FOXD3: variants seen among roughly 807,000 people sequenced by gnomAD.
FOXD3 encodes forkhead box D3.
Under a neutral mutation model 3.6 loss-of-function variants are expected in FOXD3, and 3 were observed. That is an observed-to-expected ratio of 0.84 (90% CI 0.38 to 2.18). The LOEUF is 2.18. FOXD3 is among the 30% of genes most tolerant of loss of function. The pLI, the probability that FOXD3 is intolerant of heterozygous loss-of-function variation, is 0.06. For missense variants in FOXD3, 686 were observed against 731.6 expected, an observed-to-expected ratio of 0.94 and a Z score of 0.72; for synonymous variants, 391 against 360.9, an observed-to-expected ratio of 1.08 and a Z score of -0.94.
Position 63,324,234 on chromosome 1 carries a change from G to A in FOXD3, c.1176G>A (p.Gly392=), listed in dbSNP as rs912274919. 12 of 1,443,390 alleles carry A rather than the reference G, an allele frequency of 8.3e-6. No individual in the cohort carries two copies. Among genetic ancestry groups the A allele is most frequent in the Non-Finnish European group, 1.1e-5 (12 of 1,109,608 alleles). 89.4% of individuals were successfully genotyped at this position (1,443,390 alleles called of 1,614,324 possible). ...TAGGTGGGGGCCCCGCGGCTCCTGG[G>A]GGCTCGGCGGTGGGCGCTGGGGTCG... ...NIIGGGPAAP[G]GSAVGAGVAG... is the part of the protein sequence containing the mutation. Residue 392 remains glycine (G), a synonymous_variant, in exon 1 of 1, where the codon GGG becomes GGA. Transcript: ENST00000371116. This position sits in a 1 kb window ranked among gnomAD's most constrained non-coding sequence, Gnocchi z 4.1.
Position 63,323,816 on chromosome 1 carries a change from T to A in FOXD3, c.758T>A (p.Met253Lys). The change falls in exon 1 of 1, where the codon ATG becomes AAG. Residue 253 changes from methionine (M) to lysine (K), a missense_variant. Met to Lys is a moderately conservative substitution (Grantham distance 95). Around this residue, in one of 3 missense-constraint regions of FOXD3, gnomAD observed 370 missense variants for 372.3 expected, o/e 0.99. Coordinates refer to ENST00000371116, the MANE Select transcript of FOXD3 (RefSeq NM_012183.3). The surrounding 1 kb of genome is among the most constrained non-coding windows in gnomAD (Gnocchi z 6.8). ...EHLREQTALM[M>K]QSFGAYSLAA... ...CTGCGCGAGCAGACGGCGCTCATGA[T>A]GCAGAGCTTCGGCGCTTACAGCCTG... is the stretch of plus-strand genomic sequence containing the variant. The A allele has an allele frequency of 6.4e-7, 1 of 1,574,366 alleles. No individual in the cohort carries two copies.
chr1:63,323,693 G>A lies in FOXD3; in HGVS notation c.635G>A (p.Gly212Asp). The part of the protein sequence containing the change: ...IPREPGNPGK[G>D]NYWTLDPQSE... ...CGCGAGCCGGGCAACCCGGGCAAGGGCAACTACTGGACCCTGGACCCGCAG... is the reference window on the plus strand; with the variant it reads ...CGCGAGCCGGGCAACCCGGGCAAGGACAACTACTGGACCCTGGACCCGCAG... The change falls in exon 1 of 1, where the codon GGC becomes GAC. Residue 212 changes from glycine to aspartate, a missense_variant. By Grantham distance (94) the Gly-to-Asp change is moderately conservative. Around this residue, in one of 3 missense-constraint regions of FOXD3, gnomAD observed 84 missense variants for 145.2 expected, o/e 0.58. Coordinates refer to ENST00000371116, the MANE Select transcript of FOXD3 (RefSeq NM_012183.3). The surrounding 1 kb of genome is among the most constrained non-coding windows in gnomAD (Gnocchi z 6.8). 6.2e-7 allele frequency: 1 copy of A among 1,614,094 alleles called. No homozygotes were observed.
Position 63,322,769 on chromosome 1 carries a change from G to A in FOXD3, c.-290G>A, listed in dbSNP as rs996802058. ...GTGAGGGGGCGCGGCGTGGAGAACC[G>A]CCGGGGCCGGGAGCGGTAGCGAGCG... On this transcript the variant is annotated 5_prime_UTR_variant, in exon 1 of 1. Transcript: ENST00000371116. 7 of 985,282 alleles carry A rather than the reference G, an allele frequency of 7.1e-6. No individual in the cohort carries two copies. In the African/African-American group the frequency reaches 1.2e-4, roughly 17 times the overall value. The allele number at this position is 985,282 out of a possible 1,614,324, so 61.0% of individuals were successfully genotyped here.
chr1:63,323,114 C>A lies in FOXD3; in HGVS notation c.56C>A (p.Thr19Lys). ...ASDMSGQTVL[T>K]AEDVDIDVVG... ...GACATGTCCGGCCAGACGGTGCTGA[C>A]GGCCGAGGACGTGGACATCGATGTG... The change falls in exon 1 of 1, where the codon ACG becomes AAG. Residue 19 changes from threonine (T) to lysine (K), a missense_variant. Around this residue, in one of 3 missense-constraint regions of FOXD3, gnomAD observed 232 missense variants for 214.0 expected, o/e 1.08. Transcript: ENST00000371116. The surrounding 1 kb of genome is among the most constrained non-coding windows in gnomAD (Gnocchi z 6.8). 2 of 1,567,200 alleles carry A rather than the reference C, an allele frequency of 1.3e-6. No homozygotes were observed. The highest frequency in any genetic ancestry group is 1.7e-6 in the Non-Finnish European group (2 of 1,158,480).
rs746433133 is a variant in FOXD3, at chr1:63,324,189, G to A, written c.1131G>A (p.Ser377=). 5.1e-5 allele frequency: 73 copies of A among 1,437,958 alleles called. No individual in the cohort carries two copies. Among genetic ancestry groups the A allele is most frequent in the South Asian group, 1.9e-4 (13 of 69,756 alleles). 89.1% of individuals were successfully genotyped at this position (1,437,958 alleles called of 1,614,324 possible). Residue 377 remains serine (S), a synonymous_variant, in exon 1 of 1, where the codon TCG becomes TCA. Coordinates refer to ENST00000371116, the MANE Select transcript of FOXD3 (RefSeq NM_012183.3). This position sits in a 1 kb window ranked among gnomAD's most constrained non-coding sequence, Gnocchi z 4.1. ...LIKSEPSARP[S]FSIENIIGGG... Reference sequence around the variant, plus strand: ...AGTCCGAGCCAAGCGCGCGGCCGTCGTTCAGCATCGAGAACATCATAGGTG... The same window carrying A: ...AGTCCGAGCCAAGCGCGCGGCCGTCATTCAGCATCGAGAACATCATAGGTG...
chr1:63,324,527 G>A lies in FOXD3; in HGVS notation c.*32G>A. 6.6e-7 allele frequency: 1 copy of A among 1,505,090 alleles called. No homozygotes were observed. Among genetic ancestry groups the A allele is most frequent in the South Asian group, 1.2e-5 (1 of 81,980 alleles). The allele number at this position is 1,505,090 out of a possible 1,614,324, so 93.2% of individuals were successfully genotyped here. On this transcript the variant is annotated 3_prime_UTR_variant, in exon 1 of 1. Coordinates refer to ENST00000371116, the MANE Select transcript of FOXD3 (RefSeq NM_012183.3). The surrounding 1 kb of genome is among the most constrained non-coding windows in gnomAD (Gnocchi z 4.1). The stretch of plus-strand genomic sequence containing the variant: ...GCCAATGGCCGGGACCCAGGGTCCG[G>A]CGGCGGCCTCGAGCAACAAATGCAC...
rs553162085 is a variant in FOXD3 at position 63,324,059 on chromosome 1, G to T, written c.1001G>T (p.Gly334Val). 2.9e-6 allele frequency: 4 copies of T among 1,400,652 alleles called. No homozygotes were observed. The South Asian group carries it at 6.3e-5, about 22-fold the overall frequency. 86.8% of individuals were successfully genotyped at this position (1,400,652 alleles called of 1,614,324 possible). A position where few individuals can be genotyped will look rare whatever the true frequency, so the allele number is the denominator to read the frequency against. The change falls in exon 1 of 1, where the codon GGC (glycine) becomes GTC (valine). Residue 334 changes from glycine to valine, a missense_variant. Gly to Val is a moderately radical substitution (Grantham distance 109). Transcript: ENST00000371116. This position sits in a 1 kb window ranked among gnomAD's most constrained non-coding sequence, Gnocchi z 4.1. ...GELGRKAAAFGSQLGPGLQLQ... is the reference protein window; with the variant it reads ...GELGRKAAAFVSQLGPGLQLQ... ...CTGGGCCGCAAAGCGGCCGCCTTCG[G>T]CTCACAGCTCGGCCCGGGCCTGCAG...
chr1:63,322,592 G>A lies in FOXD3; in HGVS notation c.-467G>A, dbSNP rs1647031292. ...CCTTAAAACGGGACTTTCGACTACC[G>A]GGGCTTCGGCGTCCCTGACACCCAG... is the stretch of plus-strand genomic sequence containing the variant. On this transcript the variant is annotated 5_prime_UTR_variant, in exon 1 of 1. Transcript: ENST00000371116. 11 of 978,658 alleles carry A rather than the reference G, an allele frequency of 1.1e-5. No homozygotes were observed. Among genetic ancestry groups the A allele is most frequent in the Middle Eastern group, 5.2e-4 (1 of 1,914 alleles). The allele number at this position is 978,658 out of a possible 1,614,324, so 60.6% of individuals were successfully genotyped here. A position where few individuals can be genotyped will look rare whatever the true frequency, so the allele number is the denominator to read the frequency against.
chr1:63,323,101 C>T lies in FOXD3; in HGVS notation c.43C>T (p.Gln15Ter). 1 of 1,564,652 alleles carries T rather than the reference C, an allele frequency of 6.4e-7. No homozygotes were observed. The highest frequency in any genetic ancestry group is 8.6e-7 in the Non-Finnish European group (1 of 1,157,426). ...GGGSASDMSG[Q>*]TVLTAEDVDI... ...CGGCAGCGCCAGCGACATGTCCGGC[C>T]AGACGGTGCTGACGGCCGAGGACGT... The change falls in exon 1 of 1, where the codon CAG becomes TAG. Residue 15 changes from glutamine (Q) to a stop codon, truncating the protein, a stop_gained. Transcript: ENST00000371116. LOFTEE classifies it low-confidence loss of function (END_TRUNC). This position sits in a 1 kb window ranked among gnomAD's most constrained non-coding sequence, Gnocchi z 6.8.
rs751451513 is a variant in FOXD3 at position 63,323,550 on chromosome 1, G to A, written c.492G>A (p.Leu164=). 120 of 1,614,048 alleles carry A rather than the reference G, an allele frequency of 7.4e-5. No individual in the cohort carries two copies. The Admixed American group carries it at 1.9e-3, about 26-fold the overall frequency. ...ILQSPQKKLT[L]SGICEFISNR... The stretch of plus-strand genomic sequence containing the variant: ...AGAGCCCGCAGAAGAAGCTGACCCT[G>A]AGCGGCATCTGCGAGTTCATCAGCA... The change falls in exon 1 of 1, where the codon CTG becomes CTA. Residue 164 remains leucine (L), a synonymous_variant. Coordinates refer to ENST00000371116, the MANE Select transcript of FOXD3 (RefSeq NM_012183.3). The surrounding 1 kb of genome is among the most constrained non-coding windows in gnomAD (Gnocchi z 6.8).
chr1:63,323,311 G>A lies in FOXD3; in HGVS notation c.253G>A (p.Ala85Thr). 7.2e-7 allele frequency: 1 copy of A among 1,395,124 alleles called. No homozygotes were observed. Among genetic ancestry groups the A allele is most frequent in the Non-Finnish European group, 9.3e-7 (1 of 1,077,980 alleles). The allele number at this position is 1,395,124 out of a possible 1,614,324, so 86.4% of individuals were successfully genotyped here. A position where few individuals can be genotyped will look rare whatever the true frequency, so the allele number is the denominator to read the frequency against. ...GCAGCCCCTGACATTGCCCAAGGAG[G>A]CGGCCGGAGCCGGGGCCGGACCGGG... ...HQQPLTLPKEAAGAGAGPGGD... is the reference protein window; with the variant it reads ...HQQPLTLPKETAGAGAGPGGD... The change falls in exon 1 of 1, where the codon GCG (alanine) becomes ACG (threonine). Residue 85 changes from alanine to threonine, a missense_variant. Around this residue, in one of 3 missense-constraint regions of FOXD3, gnomAD observed 232 missense variants for 214.0 expected, o/e 1.08. Coordinates refer to ENST00000371116, the MANE Select transcript of FOXD3 (RefSeq NM_012183.3). This position sits in a 1 kb window ranked among gnomAD's most constrained non-coding sequence, Gnocchi z 6.8.
Position 63,324,382 on chromosome 1 carries a change from G to A in FOXD3, c.1324G>A (p.Ala442Thr). 1 of 1,588,340 alleles carries A rather than the reference G, an allele frequency of 6.3e-7. No individual in the cohort carries two copies. The highest frequency in any genetic ancestry group is 8.5e-7 in the Non-Finnish European group (1 of 1,175,960). The part of the protein sequence containing the change: ...HQPLSLSRTT[A>T]TIAPILSVPL... Reference sequence around the variant, plus strand: ...ACCGCTGTCGCTGAGCCGGACGACTGCCACCATCGCGCCCATTCTTAGCGT... The same window carrying A: ...ACCGCTGTCGCTGAGCCGGACGACTACCACCATCGCGCCCATTCTTAGCGT... Residue 442 changes from alanine (A) to threonine (T), a missense_variant, in exon 1 of 1, where the codon GCC becomes ACC. Physicochemically the swap from Ala to Thr is moderately conservative, Grantham distance 58. Transcript: ENST00000371116. This position sits in a 1 kb window ranked among gnomAD's most constrained non-coding sequence, Gnocchi z 4.1.
chr1:63,323,985 G>A lies in FOXD3; in HGVS notation c.927G>A (p.Pro309=), dbSNP rs1335124745. ...TCCAGTACCCGTACGCGCTGCCGCCGGTGGCACCGGTGCTGCCTCCCGCTG... is the reference window on the plus strand; with the variant it reads ...TCCAGTACCCGTACGCGCTGCCGCCAGTGGCACCGGTGCTGCCTCCCGCTG... ...AALQYPYALP[P]VAPVLPPAVP... is the part of the protein sequence containing the mutation. Residue 309 remains proline, a synonymous_variant, in exon 1 of 1, where the codon CCG becomes CCA. Coordinates refer to ENST00000371116, the MANE Select transcript of FOXD3 (RefSeq NM_012183.3). The surrounding 1 kb of genome is among the most constrained non-coding windows in gnomAD (Gnocchi z 6.8). The A allele has an allele frequency of 2.3e-6, 3 of 1,278,496 alleles. No homozygotes were observed. The allele number at this position is 1,278,496 out of a possible 1,614,324, so 79.2% of individuals were successfully genotyped here.
In FOXD3 at chr1:63,323,475, A is replaced by G. The variant is rs1557561327; in HGVS notation, c.417A>G (p.Leu139=). ...CCCCGAGCAAGCCCAAGAACAGCCT[A>G]GTGAAGCCGCCTTACTCGTACATCG... is the stretch of plus-strand genomic sequence containing the variant. ...GLAPSKPKNS[L]VKPPYSYIAL... is the part of the protein sequence containing the mutation. Residue 139 remains leucine (L), a synonymous_variant, in exon 1 of 1, where the codon CTA becomes CTG. Transcript: ENST00000371116. The surrounding 1 kb of genome is among the most constrained non-coding windows in gnomAD (Gnocchi z 6.8). The G allele has an allele frequency of 5.6e-6, 9 of 1,613,550 alleles. No individual in the cohort carries two copies. Among genetic ancestry groups the G allele is most frequent in the Non-Finnish European group, 6.8e-6 (8 of 1,179,910 alleles).
rs1265557509 is a variant in FOXD3 at position 63,325,039 on chromosome 1, CTG to C, written c.*546_*547del. 1 of 167,574 alleles carries C rather than the reference CTG, an allele frequency of 6.0e-6. No individual in the cohort carries two copies. The allele number at this position is 167,574 out of a possible 1,614,324, so 10.4% of individuals were successfully genotyped here. ...AAAAGTGTCATTCTATTATAAAAGT[CTG>C]TTTATATATGAATGAATATATATGG... is the stretch of plus-strand genomic sequence containing the variant. On this transcript the variant is annotated 3_prime_UTR_variant, in exon 1 of 1. Coordinates refer to ENST00000371116, the MANE Select transcript of FOXD3 (RefSeq NM_012183.3).
chr1:63,324,528 C>T lies in FOXD3; in HGVS notation c.*33C>T, dbSNP rs1162105903. The T allele has an allele frequency of 2.0e-6, 3 of 1,497,810 alleles. No individual in the cohort carries two copies. The highest frequency in any genetic ancestry group is 2.4e-5 in the South Asian group (2 of 81,772). The allele number at this position is 1,497,810 out of a possible 1,614,324, so 92.8% of individuals were successfully genotyped here. A position where few individuals can be genotyped will look rare whatever the true frequency, so the allele number is the denominator to read the frequency against. ...CCAATGGCCGGGACCCAGGGTCCGG[C>T]GGCGGCCTCGAGCAACAAATGCACC... is the stretch of plus-strand genomic sequence containing the variant. On this transcript the variant is annotated 3_prime_UTR_variant, in exon 1 of 1. Coordinates refer to ENST00000371116, the MANE Select transcript of FOXD3 (RefSeq NM_012183.3). The surrounding 1 kb of genome is among the most constrained non-coding windows in gnomAD (Gnocchi z 4.1).
Position 63,323,098 on chromosome 1 carries a change from G to A in FOXD3, c.40G>A (p.Gly14Ser), listed in dbSNP as rs748294641. 3 of 1,562,740 alleles carry A rather than the reference G, an allele frequency of 1.9e-6. No homozygotes were observed. In the East Asian group the frequency reaches 7.3e-5, roughly 38 times the overall value. ...CGGCGGCAGCGCCAGCGACATGTCC[G>A]GCCAGACGGTGCTGACGGCCGAGGA... is the stretch of plus-strand genomic sequence containing the variant. ...SGGGSASDMS[G>S]QTVLTAEDVD... Residue 14 changes from glycine (G) to serine (S), a missense_variant, in exon 1 of 1, where the codon GGC becomes AGC. Gly to Ser is a moderately conservative substitution (Grantham distance 56). Around this residue, in one of 3 missense-constraint regions of FOXD3, gnomAD observed 232 missense variants for 214.0 expected, o/e 1.08. Coordinates refer to ENST00000371116, the MANE Select transcript of FOXD3 (RefSeq NM_012183.3). This position sits in a 1 kb window ranked among gnomAD's most constrained non-coding sequence, Gnocchi z 6.8.
Position 63,323,103 on chromosome 1 carries a change from G to A in FOXD3, c.45G>A (p.Gln15=), listed in dbSNP as rs1647038822. Residue 15 remains glutamine (Q), a synonymous_variant, in exon 1 of 1, where the codon CAG becomes CAA. Transcript: ENST00000371116. The surrounding 1 kb of genome is among the most constrained non-coding windows in gnomAD (Gnocchi z 6.8). The part of the protein sequence containing the change: ...GGGSASDMSG[Q]TVLTAEDVDI... ...GCAGCGCCAGCGACATGTCCGGCCA[G>A]ACGGTGCTGACGGCCGAGGACGTGG... The A allele has an allele frequency of 1.3e-6, 2 of 1,564,538 alleles. No individual in the cohort carries two copies. Among genetic ancestry groups the A allele is most frequent in the Admixed American group, 1.8e-5 (1 of 54,140 alleles).
rs769763199 is a variant in FOXD3, at chr1:63,323,025, C to T, written c.-34C>T. On this transcript the variant is annotated 5_prime_UTR_variant, in exon 1 of 1. Transcript: ENST00000371116. The surrounding 1 kb of genome is among the most constrained non-coding windows in gnomAD (Gnocchi z 6.8). ...CCGAACACCCTCATCGCCCGCTGCC[C>T]CCTCCCCGCCGCCGCTACCAACCCC... 12 of 1,510,406 alleles carry T rather than the reference C, an allele frequency of 7.9e-6. No homozygotes were observed. The highest frequency in any genetic ancestry group is 2.2e-4 in the Middle Eastern group (1 of 4,506). 93.6% of individuals were successfully genotyped at this position (1,510,406 alleles called of 1,614,324 possible).
Sources: allele counts gnomAD v4.1 joint callset, GRCh38; gene constraint gnomAD v4.1.1; regional missense constraint gnomAD v4.1.1; non-coding constraint Gnocchi (gnomAD v3.1); transcripts MANE v1.5; gene names NCBI Gene and HGNC (gene_info 2026-07-23, HGNC 2026-07-21).